ROBO2: variants seen among roughly 807,000 people sequenced by gnomAD.
ROBO2 encodes the protein roundabout guidance receptor 2, also known as roundabout homolog 2.
In ROBO2, 53 loss-of-function variants were observed where a neutral mutation model predicts 160.8. The observed-to-expected ratio is 0.33, with a 90% CI of 0.26 to 0.41. The LOEUF is 0.41. ROBO2 is among the 10% of genes least tolerant of loss of function. The pLI is 1.00. For synonymous variants in ROBO2, 664 were observed against 611.7 expected, an observed-to-expected ratio of 1.09 and a Z score of -1.26; for missense variants, 1,577 against 1,722.4, an observed-to-expected ratio of 0.92 and a Z score of 1.49.
At chr3:75,925,717 CA>C (rs1947267317) in intron 1 of ROBO2, among the ~76,000 whole-genome samples, 1 of 152,134 alleles carries the variant, frequency 6.6e-6, no homozygotes, top group African/African-American at 2.4e-5. Context: ...ATTTGCCAGC[CA>C]CTTATGTGTG....
At chr3:77,468,210 C>G (rs573286123) in intron 2 of ROBO2, among the ~76,000 whole-genome samples, 2 of 152,304 alleles carry the variant, frequency 1.3e-5, no homozygotes, top group East Asian at 3.9e-4. Flanking sequence ...ATGCAGATCC[C>G]TGTCAAATAT....
chr3:76,691,947 A>G (rs1243002958), intron 2 of ROBO2, among the ~76,000 whole-genome samples: 1 of 152,196 alleles, frequency 6.6e-6, no homozygotes, highest in African/African-American at 2.4e-5. Flanking sequence ...GAGAAGAGCC[A>G]AGTTACATCT....
chr3:77,351,959 A>AG (rs1290194193), intron 2 of ROBO2, among the ~76,000 whole-genome samples: 15 of 150,762 alleles, frequency 9.9e-5, no homozygotes, highest in Non-Finnish European at 1.8e-4. Flanking sequence ...GAGTGGGGGC[A>AG]GGGGGGAGGG....
chr3:76,760,025 A>T (rs1309977995), intron 2 of ROBO2, among the ~76,000 whole-genome samples: 1 of 151,760 alleles, frequency 6.6e-6, no homozygotes, highest in African/African-American at 2.4e-5. Flanking sequence ...TAACAGAAGG[A>T]TGGAAGGAAA....
intron 2 of ROBO2, among the ~76,000 whole-genome samples, chr3:76,739,586 C>G (rs1327328934): frequency 6.6e-6 from 1 of 151,942 alleles, no homozygotes; most frequent in South Asian, 2.1e-4. Context: ...TGTAACTGAC[C>G]TGCACGTTGT....
rs147732063 is a variant in ROBO2 at position 77,553,196 on chromosome 3, T to C, written c.1231+2207T>C. ...AATGCCATTATTATTCCATCTGTTA[T>C]GGTGGTGGTCTGTGATCAGTGATCT... On this transcript the variant is annotated intron_variant, in intron 8 of 25. Coordinates refer to ENST00000461745, the Ensembl canonical transcript of ROBO2. Among the ~76,000 whole-genome samples, 16 of 152,092 alleles carry C rather than the reference T, an allele frequency of 1.1e-4. No individual in the cohort carries two copies. In the East Asian group the frequency reaches 2.9e-3, roughly 28 times the overall value.
intron 2 of ROBO2, among the ~76,000 whole-genome samples, chr3:77,123,839 T>C (rs921242076): frequency 2.7e-5 from 4 of 149,374 alleles, no homozygotes; most frequent in African/African-American, 9.8e-5. Context: ...TACATAGATA[T>C]ATAATCTATC....
intron 2 of ROBO2, among the ~76,000 whole-genome samples, chr3:77,457,457 G>A (rs573837068): frequency 4.0e-5 from 6 of 151,490 alleles, no homozygotes; most frequent in Non-Finnish European, 8.8e-5. Flanking sequence ...TGAGCGTAGC[G>A]AAAATTTCTA....
chr3:76,997,464 G>C (rs1373836254), intron 2 of ROBO2, among the ~76,000 whole-genome samples: 2 of 152,110 alleles, frequency 1.3e-5, no homozygotes, highest in Admixed American at 6.6e-5. Context: ...CTCACTAATT[G>C]ACAGCATGAT....
At chr3:76,265,841 T>A (rs1219996401) in intron 2 of ROBO2, among the ~76,000 whole-genome samples, 1 of 151,198 alleles carries the variant, frequency 6.6e-6, no homozygotes, top group Non-Finnish European at 1.5e-5. Flanking sequence ...TCTGTTCAAG[T>A]TCTTTAACTT....
intron 1 of ROBO2, among the ~76,000 whole-genome samples, chr3:77,052,564 C>G (rs2065331449): frequency 6.6e-6 from 1 of 152,166 alleles, no homozygotes; most frequent in Non-Finnish European, 1.5e-5. Context: ...ATTGTCAAAC[C>G]TTTTGACAAA....
rs1351557636 is a variant in ROBO2 at position 77,646,053 on chromosome 3, G to C, written c.4136-1G>C. ...ATTTCTACTTTTTTCTCTTTCTTTA[G>C]AGTAAATGAGAGGAGACATACAAAG... On this transcript the variant is annotated splice_acceptor_variant, in intron 25 of 25. Coordinates refer to ENST00000461745, the Ensembl canonical transcript of ROBO2. LOFTEE classifies it high-confidence loss of function. 4.4e-6 allele frequency: 7 copies of C among 1,590,960 alleles called. No individual in the cohort carries two copies. The highest frequency in any genetic ancestry group is 1.1e-5 in the South Asian group (1 of 89,348).
intron 22 of ROBO2, among the ~76,000 whole-genome samples, chr3:77,618,838 T>G (rs1458274790): frequency 6.6e-6 from 1 of 152,200 alleles, no homozygotes; most frequent in Non-Finnish European, 1.5e-5. Flanking sequence ...CAAAGACAAC[T>G]TACCGTTAAA....
intron 2 of ROBO2, among the ~76,000 whole-genome samples, chr3:76,566,006 T>G (rs973244893): frequency 6.6e-6 from 1 of 152,194 alleles, no homozygotes; most frequent in African/African-American, 2.4e-5. Flanking sequence ...ATCACTGAAC[T>G]CCTTGTAACT....
intron 2 of ROBO2, among the ~76,000 whole-genome samples, chr3:76,208,616 A>G (rs1383201109): frequency 6.6e-6 from 1 of 152,222 alleles, no homozygotes; most frequent in Middle Eastern, 3.4e-3. Flanking sequence ...TGAGAAAATA[A>G]TCTGCCACGT....
chr3:77,451,406 A>G (rs1277624387), intron 2 of ROBO2, among the ~76,000 whole-genome samples: 2 of 152,066 alleles, frequency 1.3e-5, no homozygotes, highest in African/African-American at 2.4e-5. Context: ...CTTTGAATTC[A>G]TATGCTTTTC....
chr3:76,474,362 T>C (rs2078821526), intron 2 of ROBO2, among the ~76,000 whole-genome samples: 1 of 152,176 alleles, frequency 6.6e-6, no homozygotes, highest in Admixed American at 6.6e-5. Context: ...CATGAGGACA[T>C]AGACTATGTC....
intron 1 of ROBO2, among the ~76,000 whole-genome samples, chr3:75,921,353 C>T (rs1186018614): frequency 5.1e-5 from 7 of 136,008 alleles, no homozygotes; most frequent in Non-Finnish European, 1.1e-4. Context: ...ATGTGATATA[C>T]ATACACACAC....
At chr3:76,173,615 T>C (rs2073122699) in intron 2 of ROBO2, among the ~76,000 whole-genome samples, 1 of 152,092 alleles carries the variant, frequency 6.6e-6, no homozygotes, top group African/African-American at 2.4e-5. Context: ...ATTCAGTCTT[T>C]GGTTTTCTGT....
Sources: gnomAD v4.1 joint callset for allele counts (sites outside exome capture counted in the v4.1 genomes callset) on GRCh38, gnomAD v4.1.1 for gene constraint, MANE v1.5 for transcripts, NCBI Gene and HGNC (gene_info 2026-07-23, HGNC 2026-07-21) for gene names.